Variants in FSTL4 observed in about 807,000 individuals in gnomAD.
FSTL4 encodes the protein follistatin like 4.
In FSTL4, 28 loss-of-function variants were observed where a neutral mutation model predicts 78.2. That is an observed-to-expected ratio of 0.36 (90% confidence interval 0.27 to 0.49). The LOEUF (loss-of-function observed/expected upper bound fraction) is 0.49, where lower values mean the gene tolerates loss of function less well. Among genes scored for constraint, FSTL4 ranks in the 20% least tolerant of loss-of-function variants. FSTL4 has a pLI of 0.98. For synonymous variants in FSTL4, 422 were observed against 440.5 expected (o/e 0.96, Z 0.53); for missense variants, 922 against 1,084.9 (o/e 0.85, Z 2.11).
intron 4 of FSTL4, among the ~76,000 whole-genome samples, chr5:133,394,771 G>A (rs1755959367): frequency 1.3e-5 from 2 of 152,228 alleles, no homozygotes. Flanking sequence ...AGCTCCACCT[G>A]CAGCCCGGTG....
At chr5:133,627,920 T>C in the FSTL4 span, among the ~76,000 whole-genome samples, 1 of 152,064 alleles carries the variant, frequency 6.6e-6, no homozygotes, top group Non-Finnish European at 1.5e-5. Flanking sequence ...TGTTTTTGAG[T>C]ATATCTCTTT....
At chr5:133,656,559 C>T in the FSTL4 span, among the ~76,000 whole-genome samples, 2 of 152,002 alleles carry the variant, frequency 1.3e-5, no homozygotes, top group African/African-American at 2.4e-5. Context: ...TCTGCTTGAG[C>T]GTTCTGGGTG....
At chr5:133,576,112 T>C (rs1175285114) in intron 2 of FSTL4, among the ~76,000 whole-genome samples, 1 of 152,018 alleles carries the variant, frequency 6.6e-6, no homozygotes, top group Non-Finnish European at 1.5e-5. Flanking sequence ...CAATATAATA[T>C]GAGTGCTGAG....
the FSTL4 span, among the ~76,000 whole-genome samples, chr5:133,724,545 C>T: frequency 3.3e-5 from 5 of 152,134 alleles, no homozygotes; most frequent in Admixed American, 3.3e-4. Flanking sequence ...ACCTTGTTGA[C>T]ATCACCTTTT....
At chr5:133,804,942 C>CAA in the FSTL4 span, among the ~76,000 whole-genome samples, 2,774 of 94,122 alleles carry the variant, frequency 0.029, 129 homozygotes, top group African/African-American at 0.074. Flanking sequence ...GACTCCGTCT[C>CAA]AAAAAAAAAA....
At position 133,197,777 on chromosome 5, in the gene FSTL4, C is replaced by T. The variant is rs62374513; in HGVS notation, c.*1318G>A. The T allele has an allele frequency of 0.11, 17,185 of 152,182 alleles. 1,276 individuals are homozygous for T. The highest frequency in any genetic ancestry group is 0.26 in the Middle Eastern group (75 of 294). The allele number at this position is 152,182 out of a possible 1,614,324, so 9.4% of individuals were successfully genotyped here. A position where few individuals can be genotyped will look rare whatever the true frequency, so the allele number is the denominator to read the frequency against. ...CCACTCATATGTGGGAGAGGGAAGG[C>T]GAGCCTGTTTTTGCTGAGTCTCTGA... On this transcript the variant is annotated 3_prime_UTR_variant, in exon 16 of 16. Transcript: ENST00000265342.
At chr5:133,692,855 C>A in the FSTL4 span, among the ~76,000 whole-genome samples, 1 of 152,206 alleles carries the variant, frequency 6.6e-6, no homozygotes, top group Non-Finnish European at 1.5e-5. Flanking sequence ...CCTCAGGGGG[C>A]CTGCTCTGAC....
chr5:133,392,803 T>G (rs1367594501), intron 4 of FSTL4, among the ~76,000 whole-genome samples: 1 of 152,058 alleles, frequency 6.6e-6, no homozygotes, highest in African/African-American at 2.4e-5. Context: ...CAGGAAACAA[T>G]GTGGGGGACT....
chr5:133,593,605 C>G (rs548166006), intron 2 of FSTL4, among the ~76,000 whole-genome samples: 2 of 152,268 alleles, frequency 1.3e-5, no homozygotes, highest in East Asian at 3.9e-4. Flanking sequence ...CTGCTATCAG[C>G]CACATGCACC....
At chr5:133,582,153 G>A (rs993020369) in intron 2 of FSTL4, among the ~76,000 whole-genome samples, 6 of 152,196 alleles carry the variant, frequency 3.9e-5, no homozygotes, top group African/African-American at 7.2e-5. Context: ...TGCCAGCTCA[G>A]TATCCAGAAC....
intron 3 of FSTL4, among the ~76,000 whole-genome samples, chr5:133,424,583 T>C (rs147257820): frequency 5.9e-5 from 9 of 152,278 alleles, no homozygotes; most frequent in Non-Finnish European, 1.0e-4. Context: ...CGTCTCCAGG[T>C]TGGTGACACT....
intron 6 of FSTL4, among the ~76,000 whole-genome samples, chr5:133,291,969 C>G (rs1032401247): frequency 1.3e-5 from 2 of 152,216 alleles, no homozygotes; most frequent in African/African-American, 4.8e-5. Context: ...TCTAAAATAT[C>G]AGAGACTGCT....
At chr5:133,224,451 A>G in intron 10 of FSTL4, 1 of 405,602 alleles carries the variant, frequency 2.5e-6, no homozygotes, top group Non-Finnish European at 4.4e-6. Context: ...AATCTTTGAA[A>G]TCATGCCCTA....
At chr5:133,644,103 T>G in the FSTL4 span, among the ~76,000 whole-genome samples, 4 of 152,174 alleles carry the variant, frequency 2.6e-5, no homozygotes, top group Admixed American at 1.3e-4. Context: ...GTAAAATGTG[T>G]CCTTCCCAGG....
At chr5:133,320,298 T>C (rs149315357) in intron 4 of FSTL4, among the ~76,000 whole-genome samples, 8 of 152,196 alleles carry the variant, frequency 5.3e-5, no homozygotes, top group African/African-American at 1.9e-4. Flanking sequence ...GGTTACCAAA[T>C]TCCAGTTTTA....
At chr5:133,702,984 C>T in the FSTL4 span, among the ~76,000 whole-genome samples, 3 of 152,338 alleles carry the variant, frequency 2.0e-5, no homozygotes, top group Middle Eastern at 3.4e-3. Flanking sequence ...GCTGCCCCAC[C>T]GTGATCTGTC....
At chr5:133,689,042 C>T in the FSTL4 span, among the ~76,000 whole-genome samples, 3 of 152,058 alleles carry the variant, frequency 2.0e-5, no homozygotes, top group Admixed American at 1.3e-4. Flanking sequence ...TGCTTGGGTC[C>T]CCAAGCAGGG....
intron 6 of FSTL4, among the ~76,000 whole-genome samples, chr5:133,264,497 G>A (rs921903597): frequency 1.3e-5 from 2 of 152,124 alleles, no homozygotes; most frequent in African/African-American, 2.4e-5. Flanking sequence ...ACCAGGCTTG[G>A]GGGGCTCACC....
the FSTL4 span, among the ~76,000 whole-genome samples, chr5:133,768,362 C>A: frequency 6.6e-6 from 1 of 152,202 alleles, no homozygotes; most frequent in Non-Finnish European, 1.5e-5. Context: ...TGTGCCTGTG[C>A]AGCGAGCATT....
Sources: gnomAD v4.1 joint callset for allele counts (sites outside exome capture counted in the v4.1 genomes callset) on GRCh38, gnomAD v4.1.1 for gene constraint, MANE v1.5 for transcripts, NCBI Gene and HGNC (gene_info 2026-07-23, HGNC 2026-07-21) for gene names.